The following MYO1B variants were observed in gnomAD, a reference collection of about 807,000 sequenced individuals.
MYO1B encodes myosin IB, also known as unconventional myosin-Ib.
MYO1B carries 72 observed loss-of-function variants against 159.7 expected under a neutral mutation model. That is an observed-to-expected ratio of 0.45 (90% confidence interval 0.37 to 0.55). The LOEUF (loss-of-function observed/expected upper bound fraction) is 0.55, where lower values mean the gene tolerates loss of function less well. Ranked by LOEUF, MYO1B falls within the 20% of genes least tolerant of loss-of-function variation. MYO1B has a pLI of 0.00. For missense variants in MYO1B, 1,062 were observed against 1,364.8 expected (o/e 0.78, Z 3.50); for synonymous variants, 468 against 473.8 (o/e 0.99, Z 0.16).
At chr2:191,377,505 T>G (rs1157318427) in intron 13 of MYO1B, 1 of 152,188 alleles carries the variant, frequency 6.6e-6, no homozygotes, top group Admixed American at 6.5e-5. Flanking sequence ...TTGCTGGCTA[T>G]TCACACAGTT....
At chr2:191,396,615 AAC>A in intron 21 of MYO1B, 118 bp downstream of exon 21, 2 of 941,106 alleles carry the variant, frequency 2.1e-6, no homozygotes, top group Non-Finnish European at 3.4e-6. Flanking sequence ...CTCGCCTGTA[AAC>A]AGTCAGATGG....
intron 1 of MYO1B, among the ~76,000 whole-genome samples, chr2:191,274,263 T>A (rs1212759130): frequency 1.3e-5 from 2 of 152,248 alleles, no homozygotes; most frequent in African/African-American, 4.8e-5. Context: ...ACCAGTTACC[T>A]GTAACTCAGC....
intron 2 of MYO1B, among the ~76,000 whole-genome samples, chr2:191,289,650 A>G (rs933635592): frequency 5.3e-5 from 8 of 152,174 alleles, no homozygotes; most frequent in African/African-American, 1.9e-4. Flanking sequence ...TTAAAAATAG[A>G]TTTTGAGAGA....
At chr2:191,247,041 T>G (rs1460294859) in intron 1 of MYO1B, among the ~76,000 whole-genome samples, 2 of 152,170 alleles carry the variant, frequency 1.3e-5, no homozygotes, top group African/African-American at 4.8e-5. Flanking sequence ...GGGAGGGAGC[T>G]ATGGGGGATT....
chr2:191,334,593 A>G (rs757594731), intron 4 of MYO1B, among the ~76,000 whole-genome samples: 11 of 152,048 alleles, frequency 7.2e-5, no homozygotes, highest in Non-Finnish European at 1.3e-4. Flanking sequence ...TCTCCTTGTC[A>G]TCTTCCCTGG....
intron 16 of MYO1B, among the ~76,000 whole-genome samples, 187 bp from the exon 17 acceptor site, chr2:191,387,037 T>C (rs1483327198): frequency 6.6e-6 from 1 of 152,252 alleles, no homozygotes; most frequent in Non-Finnish European, 1.5e-5. Context: ...TGATCTTGTC[T>C]GTGATTTAGA....
intron 4 of MYO1B, among the ~76,000 whole-genome samples, chr2:191,335,863 GT>G (rs1222919835): frequency 2.0e-5 from 3 of 152,200 alleles, no homozygotes; most frequent in Admixed American, 2.0e-4. Context: ...AAGCTGCGGA[GT>G]TATGTAACAT....
In MYO1B at chr2:191,381,514, A is replaced by G. The variant is rs568531653; in HGVS notation, c.1238A>G (p.Gln413Arg). 12 of 1,613,776 alleles carry G rather than the reference A, an allele frequency of 7.4e-6. No homozygotes were observed. The Admixed American group carries it at 1.3e-4, about 18-fold the overall frequency. Reference protein sequence around the residue: ...IINYCNEKLQQIFIELTLKEE... With the variant: ...IINYCNEKLQRIFIELTLKEE... ...AATTATTGTAACGAAAAGCTGCAAC[A>G]AATCTTCATTGAACTTACTCTTAAA... Residue 413 changes from glutamine to arginine, a missense_variant, in exon 14 of 31, where the codon CAA (glutamine) becomes CGA (arginine). By Grantham distance (43) the Gln-to-Arg change is conservative. Transcript: ENST00000392318.
Position 191,383,319 on chromosome 2 carries a change from A to G in MYO1B, c.1330A>G (p.Ile444Val), listed in dbSNP as rs780704668. ...TCACATTGACTACTTCAATAATGCT[A>G]TCATTTGTGACCTAATAGAAAATGT... ...WTHIDYFNNAIICDLIENNTN... is the reference protein window; with the variant it reads ...WTHIDYFNNAVICDLIENNTN... The change falls in exon 15 of 31, where the codon ATC becomes GTC. Residue 444 changes from isoleucine to valine, a missense_variant. Physicochemically the swap from Ile to Val is conservative, Grantham distance 29. This residue lies in a region of MYO1B where 415 missense variants were observed against 544.0 expected (regional missense o/e 0.76). Coordinates refer to ENST00000392318, the MANE Select transcript of MYO1B (RefSeq NM_001130158.3). 1.9e-6 allele frequency: 3 copies of G among 1,585,996 alleles called. No homozygotes were observed. Among genetic ancestry groups the G allele is most frequent in the Non-Finnish European group, 2.6e-6 (3 of 1,167,992 alleles).
At position 191,390,423 on chromosome 2, in the gene MYO1B, A is replaced by G. The variant is rs1353440626; in HGVS notation, c.1913A>G (p.Tyr638Cys). 2.5e-6 allele frequency: 4 copies of G among 1,614,142 alleles called. No homozygotes were observed. The highest frequency in any genetic ancestry group is 2.7e-5 in the African/African-American group (2 of 74,952). ...GCAGGCTACGCCTTCAGGCAGGCCTATGAACCTTGCCTAGAAAGATACAAA... is the reference window on the plus strand; with the variant it reads ...GCAGGCTACGCCTTCAGGCAGGCCTGTGAACCTTGCCTAGAAAGATACAAA... ...RRAGYAFRQA[Y>C]EPCLERYKML... Residue 638 changes from tyrosine (Y) to cysteine (C), a missense_variant, in exon 18 of 31, where the codon TAT (tyrosine) becomes TGT (cysteine). Around this residue, in one of 5 missense-constraint regions of MYO1B, gnomAD observed 609 missense variants for 744.4 expected, o/e 0.82. Coordinates refer to ENST00000392318, the MANE Select transcript of MYO1B (RefSeq NM_001130158.3).
At chr2:191,421,535 T>C (rs1697942295) in intron 30 of MYO1B, among the ~76,000 whole-genome samples, 1 of 152,036 alleles carries the variant, frequency 6.6e-6, no homozygotes, top group East Asian at 1.9e-4. Flanking sequence ...TCCGGTGGTG[T>C]GATCCCGGCT....
chr2:191,418,271 G>T (rs1697701282), intron 30 of MYO1B, among the ~76,000 whole-genome samples: 1 of 152,114 alleles, frequency 6.6e-6, no homozygotes, highest in Non-Finnish European at 1.5e-5. Context: ...AGGGGCGCCT[G>T]TTCCTTTATG....
chr2:191,375,140 T>G (rs1204807650), intron 13 of MYO1B, among the ~76,000 whole-genome samples: 1 of 152,234 alleles, frequency 6.6e-6, no homozygotes, highest in African/African-American at 2.4e-5. Flanking sequence ...CTTTCAGTTA[T>G]GGACTCCTTA....
intron 5 of MYO1B, among the ~76,000 whole-genome samples, chr2:191,342,672 C>G (rs1049512762): frequency 6.6e-6 from 1 of 152,094 alleles, no homozygotes; most frequent in Non-Finnish European, 1.5e-5. Context: ...CGTGATGAAA[C>G]CCCTTCTCTA....
rs1697553403 is a variant in MYO1B at position 191,416,213 on chromosome 2, A to G, written c.3258A>G (p.Lys1086=). ...KLYRTTLSQT[K]QKLNIEISDE... ...ATCGCACAACTCTCAGCCAAACCAA[A>G]CAGAAGCTCAATATTGAGATTTCCG... is the stretch of plus-strand genomic sequence containing the variant. Residue 1086 remains lysine, a synonymous_variant, in exon 30 of 31, where the codon AAA becomes AAG. Coordinates refer to ENST00000392318, the MANE Select transcript of MYO1B (RefSeq NM_001130158.3). 3 of 1,614,166 alleles carry G rather than the reference A, an allele frequency of 1.9e-6. No individual in the cohort carries two copies. In the East Asian group the frequency reaches 6.7e-5, roughly 36 times the overall value.
chr2:191,277,091 T>C (rs1383591013), intron 2 of MYO1B, 61 bp downstream of exon 2: 2 of 1,564,952 alleles, frequency 1.3e-6, no homozygotes, highest in African/African-American at 1.4e-5. Flanking sequence ...CAGAGAGCTG[T>C]CTTTTCTTCC....
At position 191,424,920 on chromosome 2, in the gene MYO1B, G is replaced by C. The variant is rs941954628; in HGVS notation, c.*960G>C. ...CAATAAAACATCCAAGATCTTTTTT[G>C]AAAGTTTTATTTATAATATACATTT... On this transcript the variant is annotated 3_prime_UTR_variant, in exon 31 of 31. Transcript: ENST00000392318. 7.2e-5 allele frequency: 11 copies of C among 152,460 alleles called. No homozygotes were observed. Among genetic ancestry groups the C allele is most frequent in the African/African-American group, 2.4e-4 (10 of 41,426 alleles). 9.4% of individuals were successfully genotyped at this position (152,460 alleles called of 1,614,324 possible). A position where few individuals can be genotyped will look rare whatever the true frequency, so the allele number is the denominator to read the frequency against.
intron 1 of MYO1B, among the ~76,000 whole-genome samples, chr2:191,276,063 C>T (rs1023964961): frequency 6.6e-6 from 1 of 152,164 alleles, no homozygotes; most frequent in Non-Finnish European, 1.5e-5. Flanking sequence ...CAAAGGGAAA[C>T]TGTAGTATTT....
intron 15 of MYO1B, 69 bp downstream of exon 15, chr2:191,383,411 G>A: frequency 1.5e-6 from 1 of 649,780 alleles, no homozygotes; most frequent in Non-Finnish European, 2.3e-6. Flanking sequence ...AATGTTCTCA[G>A]TGCCTCAATG....
Sources: allele counts gnomAD v4.1 joint callset (sites outside exome capture counted in the v4.1 genomes callset), GRCh38; gene constraint gnomAD v4.1.1; regional missense constraint gnomAD v4.1.1; transcripts MANE v1.5; gene names NCBI Gene and HGNC (gene_info 2026-07-23, HGNC 2026-07-21).